PATJ: variants seen among roughly 807,000 people sequenced by gnomAD.
PATJ encodes inaD-like protein.
PATJ carries 190 observed loss-of-function variants against 224.9 expected under a neutral mutation model. The ratio of observed to expected loss-of-function variants is 0.84; its 90% CI spans 0.75 to 0.95. The LOEUF is 0.95. PATJ is among the 40% of genes least tolerant of loss of function. The pLI, the probability that PATJ is intolerant of heterozygous loss-of-function variation, is 0.00. For synonymous variants in PATJ, 769 were observed against 820.3 expected, an observed-to-expected ratio of 0.94 and a Z score of 1.07; for missense variants, 2,121 against 2,270.3, an observed-to-expected ratio of 0.93 and a Z score of 1.34.
chr1:61,995,621 G>C (rs1451264410), intron 28 of PATJ, among the ~76,000 whole-genome samples: 1 of 152,108 alleles, frequency 6.6e-6, no homozygotes, highest in Non-Finnish European at 1.5e-5. Context: ...CAATGGCTTG[G>C]TTCACATACA....
At chr1:61,801,834 A>G (rs1652569725) in intron 12 of PATJ, 65 bp downstream of exon 12, 2 of 1,114,492 alleles carry the variant, frequency 1.8e-6, no homozygotes, top group South Asian at 5.9e-5. Context: ...TTCTGTCTTT[A>G]TAGTTAATAT....
chr1:61,836,439 A>G (rs1306930044), intron 17 of PATJ, among the ~76,000 whole-genome samples: 1 of 152,140 alleles, frequency 6.6e-6, no homozygotes, highest in Non-Finnish European at 1.5e-5. Flanking sequence ...CCTAAAGGCC[A>G]TTTTGATTCA....
chr1:61,932,590 G>A (rs112327257), intron 27 of PATJ, among the ~76,000 whole-genome samples: 109 of 152,292 alleles, frequency 7.2e-4, no homozygotes, highest in African/African-American at 2.6e-3. Context: ...AGAAGAGAAA[G>A]AGGACGCTTG....
At chr1:62,119,334 A>G (rs191962822) in intron 37 of PATJ, among the ~76,000 whole-genome samples, 1 of 152,300 alleles carries the variant, frequency 6.6e-6, no homozygotes, top group East Asian at 1.9e-4. Flanking sequence ...CCATTGCCAA[A>G]CATTTTTACA....
At chr1:62,084,089 A>G (rs1659630766) in intron 32 of PATJ, among the ~76,000 whole-genome samples, 2 of 152,106 alleles carry the variant, frequency 1.3e-5, no homozygotes, top group Non-Finnish European at 2.9e-5. Context: ...CCTCGTCTCT[A>G]CTAAAAATAA....
intron 10 of PATJ, among the ~76,000 whole-genome samples, chr1:61,796,724 T>TTCTTTCTTTCTTTCTTTTTCTTTC (rs1223383945): frequency 3.2e-4 from 17 of 52,740 alleles, no homozygotes; most frequent in African/African-American, 4.8e-4. Flanking sequence ...CTTTCTTTCT[T>TTCTTTCTTTCTTTCTTTTTCTTTC]TTTCTTTCTT....
intron 30 of PATJ, among the ~76,000 whole-genome samples, chr1:62,050,093 G>A (rs1318831016): frequency 7.0e-6 from 1 of 143,230 alleles, no homozygotes; most frequent in East Asian, 2.0e-4. Flanking sequence ...TGCAGCCTTG[G>A]CGATAGAGTG....
At chr1:62,076,098 G>A (rs12065703) in intron 31 of PATJ, among the ~76,000 whole-genome samples, 6,267 of 152,030 alleles carry the variant, frequency 0.041, 361 homozygotes, top group African/African-American at 0.13. Flanking sequence ...TGGCATCTAG[G>A]GATGTGGATC....
chr1:62,024,517 T>C (rs984046611), intron 29 of PATJ, among the ~76,000 whole-genome samples: 1 of 152,154 alleles, frequency 6.6e-6, no homozygotes. Context: ...TCACCTCTTT[T>C]GGCACTCAGA....
At chr1:62,014,434 G>T (rs78213555) in intron 28 of PATJ, among the ~76,000 whole-genome samples, 26,435 of 151,830 alleles carry the variant, frequency 0.17, 2,911 homozygotes, top group Non-Finnish European at 0.25. Context: ...AATATGGTCA[G>T]CAAAAAACAT....
intron 27 of PATJ, among the ~76,000 whole-genome samples, chr1:61,972,366 G>A (rs1683101379): frequency 6.6e-6 from 1 of 152,036 alleles, no homozygotes; most frequent in South Asian, 2.1e-4. Context: ...GATTAGGAAT[G>A]CTCAACTTGT....
intron 14 of PATJ, among the ~76,000 whole-genome samples, chr1:61,810,529 T>A (rs1654498982): frequency 6.6e-6 from 1 of 151,752 alleles, no homozygotes; most frequent in African/African-American, 2.4e-5. Flanking sequence ...AAACCCTGTC[T>A]CTACTAGAAA....
At chr1:61,812,423 AGAGAGAGAGAGTGTGT>A (rs1655019072) in intron 14 of PATJ, among the ~76,000 whole-genome samples, 1 of 114,320 alleles carries the variant, frequency 8.7e-6, no homozygotes, top group Non-Finnish European at 2.0e-5. Flanking sequence ...AGAGAGAGAG[AGAGAGAGAGAGTGTGT>A]GTGTGTGTGT....
intron 27 of PATJ, among the ~76,000 whole-genome samples, chr1:61,969,780 A>T (rs1387454170): frequency 6.6e-6 from 1 of 151,652 alleles, no homozygotes; most frequent in Non-Finnish European, 1.5e-5. Context: ...TGCAACCTCC[A>T]CCTCCTGGGT....
At chr1:62,077,700 A>G (rs1010344165) in intron 31 of PATJ, among the ~76,000 whole-genome samples, 2 of 151,918 alleles carry the variant, frequency 1.3e-5, no homozygotes, top group Non-Finnish European at 2.9e-5. Context: ...AAAAAAAAAA[A>G]AAGAAGATGG....
At chr1:61,957,339 C>T (rs1342754224) in intron 27 of PATJ, among the ~76,000 whole-genome samples, 1 of 152,034 alleles carries the variant, frequency 6.6e-6, no homozygotes, top group Non-Finnish European at 1.5e-5. Flanking sequence ...AAAGAAAGGG[C>T]ATTTTCTCTC....
chr1:61,775,179 C>G (rs1435184077), intron 6 of PATJ, 27 bp from the exon 7 acceptor site: 4 of 1,596,214 alleles, frequency 2.5e-6, no homozygotes, highest in Non-Finnish European at 3.4e-6. Flanking sequence ...ACTGATACTG[C>G]GACTCTTATT....
At chr1:62,045,012 G>A (rs972583365) in intron 30 of PATJ, among the ~76,000 whole-genome samples, 2 of 152,196 alleles carry the variant, frequency 1.3e-5, no homozygotes, top group Non-Finnish European at 2.9e-5. Flanking sequence ...GAGGTCAGGA[G>A]TTCAAGACCA....
intron 41 of PATJ, among the ~76,000 whole-genome samples, chr1:62,138,654 C>A (rs1667190731): frequency 6.6e-6 from 1 of 152,130 alleles, no homozygotes; most frequent in Non-Finnish European, 1.5e-5. Flanking sequence ...ATTTAACCCA[C>A]CTCCCCCATG....
Sources: gnomAD v4.1 joint callset for allele counts (sites outside exome capture counted in the v4.1 genomes callset) on GRCh38, gnomAD v4.1.1 for gene constraint, MANE v1.5 for transcripts, NCBI Gene and HGNC (gene_info 2026-07-23, HGNC 2026-07-21) for gene names.